Variants in KLF12 observed in about 807,000 individuals in gnomAD.
KLF12 encodes the protein KLF transcription factor 12, also known as Krueppel-like factor 12.
A neutral mutation model predicts 37.8 loss-of-function variants in KLF12; 9 were observed. That is an observed-to-expected ratio of 0.24 (90% CI 0.14 to 0.42). The LOEUF (loss-of-function observed/expected upper bound fraction) is 0.42. Ranked by LOEUF, KLF12 falls within the 10% of genes least tolerant of loss-of-function variation. The pLI, the probability that KLF12 is intolerant of heterozygous loss-of-function variation, is 1.00. For synonymous variants in KLF12, 208 were observed against 202.1 expected (o/e 1.03, Z -0.25); for missense variants, 411 against 516.0 (o/e 0.80, Z 1.97).
intron 1 of KLF12, among the ~76,000 whole-genome samples, chr13:74,020,196 A>G (rs1211572687): frequency 2.0e-5 from 3 of 152,220 alleles, no homozygotes; most frequent in Non-Finnish European, 4.4e-5. Flanking sequence ...TTTTTTTCCA[A>G]TTACACAGTG....
chr13:74,133,833 GCACACA>G lies in KLF12; in HGVS notation c.-132_-127del, dbSNP rs36102647. 4.0e-3 allele frequency among the ~76,000 whole-genome samples: 603 copies of G among 150,646 alleles called. 2 individuals are homozygous for G. Among genetic ancestry groups the G allele is most frequent in the African/African-American group, 0.014 (572 of 40,930 alleles). On this transcript the variant is annotated 5_prime_UTR_variant, in exon 1 of 8. Coordinates refer to ENST00000377669, the MANE Select transcript of KLF12 (RefSeq NM_007249.5). ...CTTTCTCTCTCTCACACGCGCGCGC[GCACACA>G]CACACACACACTCGCACACACACGG...
intron 3 of KLF12, among the ~76,000 whole-genome samples, chr13:73,903,167 G>A (rs187915723): frequency 6.6e-6 from 1 of 152,282 alleles, no homozygotes. Flanking sequence ...CTTGGCTGGT[G>A]TCTAACTGAT....
chr13:73,696,487 G>A (rs903306211), intron 7 of KLF12, among the ~76,000 whole-genome samples: 1 of 152,292 alleles, frequency 6.6e-6, no homozygotes, highest in South Asian at 2.1e-4. Context: ...CTCCCAGGGG[G>A]AGTGGGACAA....
chr13:73,692,280 C>T lies in KLF12; in HGVS notation c.*3210G>A, dbSNP rs1873867270. 6.6e-6 allele frequency: 1 copy of T among 152,140 alleles called. No individual in the cohort carries two copies. The highest frequency in any genetic ancestry group is 2.4e-5 in the African/African-American group (1 of 41,430). 9.4% of individuals were successfully genotyped at this position (152,140 alleles called of 1,614,324 possible). A position where few individuals can be genotyped will look rare whatever the true frequency, so the allele number is the denominator to read the frequency against. ...AATCTTTTTTCAAACAACTTAAGAT[C>T]AGACCATGAAAAGGGATTCTTAAAA... On this transcript the variant is annotated 3_prime_UTR_variant, in exon 8 of 8. Transcript: ENST00000377669.
chr13:74,063,222 C>T (rs1873713416), intron 1 of KLF12, among the ~76,000 whole-genome samples: 1 of 151,886 alleles, frequency 6.6e-6, no homozygotes, highest in Admixed American at 6.6e-5. Flanking sequence ...TTTTTTTCTC[C>T]CCACCATCCT....
At chr13:74,237,689 A>C in the KLF12 span, among the ~76,000 whole-genome samples, 1 of 151,752 alleles carries the variant, frequency 6.6e-6, no homozygotes, top group Non-Finnish European at 1.5e-5. Flanking sequence ...TAGGTATTTT[A>C]TTCTCTTTGA....
the KLF12 span, among the ~76,000 whole-genome samples, chr13:74,191,817 TTCTC>T: frequency 6.6e-6 from 1 of 152,160 alleles, no homozygotes; most frequent in Non-Finnish European, 1.5e-5. Flanking sequence ...TACCTTTTAT[TTCTC>T]TCTGTCTATA....
intron 1 of KLF12, among the ~76,000 whole-genome samples, chr13:74,064,762 C>T (rs1566195052): frequency 6.6e-6 from 1 of 152,046 alleles, no homozygotes; most frequent in Non-Finnish European, 1.5e-5. Flanking sequence ...AATTTTAGAC[C>T]ATAAAGGACC....
chr13:73,929,736 T>C (rs555652409), intron 3 of KLF12, among the ~76,000 whole-genome samples: 53 of 152,362 alleles, frequency 3.5e-4, no homozygotes, highest in African/African-American at 1.2e-3. Flanking sequence ...TCACAGCCTC[T>C]GCCACAACGC....
chr13:74,210,272 A>T, the KLF12 span, among the ~76,000 whole-genome samples: 3 of 152,190 alleles, frequency 2.0e-5, no homozygotes, highest in African/African-American at 2.4e-5. Context: ...AACAGATTTT[A>T]AAAAATTATT....
At chr13:73,844,412 C>T (rs550395997) in intron 4 of KLF12, among the ~76,000 whole-genome samples, 24 of 152,260 alleles carry the variant, frequency 1.6e-4, no homozygotes, top group South Asian at 8.3e-4. Context: ...TCTTCCTCTA[C>T]GTTTTCACTA....
intron 1 of KLF12, among the ~76,000 whole-genome samples, chr13:74,109,083 G>C (rs1271552086): frequency 4.0e-5 from 6 of 151,700 alleles, no homozygotes; most frequent in South Asian, 2.1e-4. Context: ...AAAAGAAACA[G>C]AAAATGCAAT....
chr13:73,996,904 G>T (rs573986332), intron 1 of KLF12, among the ~76,000 whole-genome samples: 1 of 152,186 alleles, frequency 6.6e-6, no homozygotes, highest in Non-Finnish European at 1.5e-5. Flanking sequence ...GGATGAAACT[G>T]ATCAGAGGTA....
At chr13:73,763,344 T>C (rs1360102285) in intron 6 of KLF12, among the ~76,000 whole-genome samples, 1 of 152,188 alleles carries the variant, frequency 6.6e-6, no homozygotes, top group Non-Finnish European at 1.5e-5. Flanking sequence ...GCAAGACAGG[T>C]AGGCCCTTGA....
intron 5 of KLF12, among the ~76,000 whole-genome samples, chr13:73,798,441 G>C (rs1025035126): frequency 2.0e-5 from 3 of 152,198 alleles, no homozygotes; most frequent in East Asian, 3.9e-4. Flanking sequence ...AAACCTAAGA[G>C]CTTCTGCACA....
chr13:73,947,995 A>G (rs1010359062), intron 2 of KLF12, among the ~76,000 whole-genome samples: 4 of 152,220 alleles, frequency 2.6e-5, no homozygotes, highest in African/African-American at 9.6e-5. Flanking sequence ...GGTTCCTGTC[A>G]TAAGTCAAAA....
the KLF12 span, among the ~76,000 whole-genome samples, chr13:74,225,747 A>G: frequency 2.2e-4 from 34 of 152,190 alleles, no homozygotes; most frequent in African/African-American, 7.2e-4. Flanking sequence ...AATGTGCTCT[A>G]TGGATATAGG....
chr13:74,117,189 T>G (rs1877356587), intron 1 of KLF12, among the ~76,000 whole-genome samples: 1 of 152,120 alleles, frequency 6.6e-6, no homozygotes, highest in African/African-American at 2.4e-5. Context: ...CAGTCCATGG[T>G]TTCTAGATAT....
chr13:74,275,878 C>CTTCT, the KLF12 span, among the ~76,000 whole-genome samples: 8,617 of 52,452 alleles, frequency 0.16, 1,397 homozygotes, highest in East Asian at 0.25. Flanking sequence ...ATCTTTCTTT[C>CTTCT]TTCTTTCTTT....
Sources: allele counts gnomAD v4.1 joint callset (sites outside exome capture counted in the v4.1 genomes callset), GRCh38; gene constraint gnomAD v4.1.1; transcripts MANE v1.5; gene names NCBI Gene and HGNC (gene_info 2026-07-23, HGNC 2026-07-21).